The following ELL2 variants were observed in gnomAD, a reference collection of about 807,000 sequenced individuals.
ELL2 encodes RNA polymerase II elongation factor ELL2.
In ELL2, 21 loss-of-function variants were observed where a neutral mutation model predicts 72.8. The ratio of observed to expected loss-of-function variants is 0.29; its 90% confidence interval spans 0.20 to 0.42. ELL2 has a LOEUF of 0.42. Ranked by LOEUF, ELL2 falls within the 10% of genes least tolerant of loss-of-function variation. The pLI, the probability that ELL2 is intolerant of heterozygous loss-of-function variation, is 1.00. For synonymous variants in ELL2, 266 were observed against 283.2 expected (o/e 0.94, Z 0.61); for missense variants, 568 against 772.8 (o/e 0.73, Z 3.14).
intron 1 of ELL2, among the ~76,000 whole-genome samples, chr5:95,960,251 A>G (rs1751773154): frequency 6.6e-6 from 1 of 151,506 alleles, no homozygotes; most frequent in East Asian, 1.9e-4. Context: ...CGTGGGTTCT[A>G]TCTCCCTTCC....
intron 2 of ELL2, 76 bp from the exon 3 acceptor site, chr5:95,919,621 G>A (rs1749970847): frequency 1.4e-6 from 2 of 1,458,752 alleles, no homozygotes; most frequent in Non-Finnish European, 9.0e-7. Context: ...TGACTTACTG[G>A]TTTTTCTAGT....
At chr5:95,940,067 A>G (rs1750915212) in intron 2 of ELL2, among the ~76,000 whole-genome samples, 1 of 152,204 alleles carries the variant, frequency 6.6e-6, no homozygotes, top group Admixed American at 6.5e-5. Flanking sequence ...GATATTCATG[A>G]GTTTAGAAAT....
chr5:95,904,632 G>A lies in ELL2; in HGVS notation c.741+1891C>T, dbSNP rs533936537. On this transcript the variant is annotated intron_variant, in intron 5 of 11. Coordinates refer to ENST00000237853, the MANE Select transcript of ELL2 (RefSeq NM_012081.6). ...TAAGCAAATTATCTCTACTGGCACA[G>A]GCAAAGCCTGATTAATTATTTTAGG... 6.6e-5 allele frequency among the ~76,000 whole-genome samples: 10 copies of A among 152,332 alleles called. No individual in the cohort carries two copies. The East Asian group carries it at 1.9e-3, about 29-fold the overall frequency.
At chr5:95,909,369 C>G (rs1749493826) in intron 4 of ELL2, among the ~76,000 whole-genome samples, 1 of 152,118 alleles carries the variant, frequency 6.6e-6, no homozygotes, top group Non-Finnish European at 1.5e-5. Flanking sequence ...ACAACTCAGC[C>G]ACACTGGACC....
rs1022399838 is a variant in ELL2 at position 95,910,451 on chromosome 5, G to T, written c.481+3320C>A. Among the ~76,000 whole-genome samples, 178 of 151,876 alleles carry T rather than the reference G, an allele frequency of 1.2e-3. 2 individuals carry two copies. The highest frequency in any genetic ancestry group is 4.0e-4 in the Non-Finnish European group (27 of 67,914). On this transcript the variant is annotated intron_variant, in intron 4 of 11. Coordinates refer to ENST00000237853, the MANE Select transcript of ELL2 (RefSeq NM_012081.6). The stretch of plus-strand genomic sequence containing the variant: ...TGAATTAGAAGCAGTGGTGACGAGT[G>T]ATTTTTTTTTTTATATCAGTGTTTA...
At position 95,951,440 on chromosome 5, in the gene ELL2, T is replaced by C. The variant is rs181861006; in HGVS notation, c.148-8391A>G. Among the ~76,000 whole-genome samples, 6 of 151,244 alleles carry C rather than the reference T, an allele frequency of 4.0e-5. 1 individual carries two copies. Among genetic ancestry groups the C allele is most frequent in the African/African-American group, 1.4e-4 (6 of 41,496 alleles). ...CACTTGAAGCATAGTATTCCACCAT[T>C]TTTTCCCCCAGATTTAATGTGGGCC... is the stretch of plus-strand genomic sequence containing the variant. On this transcript the variant is annotated intron_variant, in intron 1 of 11. Transcript: ENST00000237853.
intron 4 of ELL2, among the ~76,000 whole-genome samples, chr5:95,907,243 G>C (rs1014876333): frequency 6.7e-6 from 1 of 148,648 alleles, no homozygotes; most frequent in East Asian, 2.0e-4. Flanking sequence ...GCCACAAAGA[G>C]GGGGGAGGTC....
At chr5:95,952,532 C>A (rs1751456818) in intron 1 of ELL2, among the ~76,000 whole-genome samples, 2 of 152,060 alleles carry the variant, frequency 1.3e-5, no homozygotes, top group South Asian at 4.1e-4. Context: ...TTTATAATAA[C>A]AAAATCAGGT....
intron 2 of ELL2, among the ~76,000 whole-genome samples, chr5:95,931,462 T>G (rs1750597889): frequency 6.6e-6 from 1 of 152,166 alleles, no homozygotes; most frequent in Admixed American, 6.5e-5. Flanking sequence ...GTTTTATTTT[T>G]GAAGTAATTT....
At chr5:95,939,747 T>A (rs1213968961) in intron 2 of ELL2, among the ~76,000 whole-genome samples, 1 of 152,238 alleles carries the variant, frequency 6.6e-6, no homozygotes, top group Non-Finnish European at 1.5e-5. Flanking sequence ...ACATTTTCAG[T>A]ACCAGATCAG....
At chr5:95,912,779 T>C (rs1271266988) in intron 4 of ELL2, among the ~76,000 whole-genome samples, 1 of 152,198 alleles carries the variant, frequency 6.6e-6, no homozygotes, top group Non-Finnish European at 1.5e-5. Context: ...AAAGAAGTAC[T>C]TATTAAAGAC....
intron 5 of ELL2, among the ~76,000 whole-genome samples, chr5:95,902,878 C>G (rs11739652): frequency 0.29 from 44,047 of 151,676 alleles, 6,532 homozygotes; most frequent in East Asian, 0.41. Flanking sequence ...ACTTCTTGGG[C>G]TCAGGTGGTA....
At chr5:95,903,750 TA>T (rs1489869444) in intron 5 of ELL2, among the ~76,000 whole-genome samples, 1 of 152,142 alleles carries the variant, frequency 6.6e-6, no homozygotes, top group Non-Finnish European at 1.5e-5. Context: ...CCCTTACATA[TA>T]ACTATCTACT....
At chr5:95,913,462 A>C (rs1332810542) in intron 4 of ELL2, 2 of 193,586 alleles carry the variant, frequency 1.0e-5, no homozygotes, top group African/African-American at 4.6e-5. Context: ...TCTAGTGACA[A>C]AGAAAACACA....
chr5:95,902,420 G>C (rs1159309656), intron 5 of ELL2, among the ~76,000 whole-genome samples: 1 of 152,102 alleles, frequency 6.6e-6, no homozygotes, highest in Non-Finnish European at 1.5e-5. Context: ...TCCCTTAACT[G>C]CAATTCCTAG....
intron 1 of ELL2, among the ~76,000 whole-genome samples, chr5:95,958,490 G>GT (rs1751698937): frequency 6.6e-6 from 1 of 152,142 alleles, no homozygotes; most frequent in Admixed American, 6.5e-5. Flanking sequence ...CACCAGAAAG[G>GT]TATCTATCTC....
At chr5:95,943,817 T>C (rs1197294745) in intron 1 of ELL2, among the ~76,000 whole-genome samples, 2 of 152,208 alleles carry the variant, frequency 1.3e-5, no homozygotes, top group East Asian at 1.9e-4. Context: ...TATTTTATCA[T>C]AGAGTTGTGC....
chr5:95,919,613 A>C (rs918634378), intron 2 of ELL2, 68 bp from the exon 3 acceptor site: 1 of 1,474,120 alleles, frequency 6.8e-7, no homozygotes, highest in African/African-American at 1.5e-5. Flanking sequence ...CTTAAGACTG[A>C]CTTACTGGTT....
intron 7 of ELL2, 178 bp downstream of exon 7, chr5:95,900,515 T>A (rs1043606399): frequency 4.0e-5 from 19 of 470,154 alleles, no homozygotes; most frequent in African/African-American, 8.0e-5. Context: ...GTGGAGAAAG[T>A]TCTGGGCTGG....
Sources: gnomAD v4.1 joint callset for allele counts (sites outside exome capture counted in the v4.1 genomes callset) on GRCh38, gnomAD v4.1.1 for gene constraint, MANE v1.5 for transcripts, NCBI Gene and HGNC (gene_info 2026-07-23, HGNC 2026-07-21) for gene names.